MAST4: variants seen among roughly 807,000 people sequenced by gnomAD.
The protein encoded by MAST4 is microtubule-associated serine/threonine-protein kinase 4.
MAST4 carries 89 observed loss-of-function variants against 162.7 expected under a neutral mutation model. The observed-to-expected ratio is 0.55, with a 90% CI of 0.46 to 0.65. The LOEUF (loss-of-function observed/expected upper bound fraction) is 0.65. Among genes scored for constraint, MAST4 ranks in the 30% least tolerant of loss-of-function variants. MAST4 has a pLI of 0.00. For synonymous variants in MAST4, 1,479 were observed against 1,361.1 expected, an observed-to-expected ratio of 1.09 and a Z score of -1.91; for missense variants, 3,153 against 3,374.0, an observed-to-expected ratio of 0.93 and a Z score of 1.62.
At chr5:66,710,446 A>G (rs1214439403) in intron 1 of MAST4, among the ~76,000 whole-genome samples, 1 of 152,024 alleles carries the variant, frequency 6.6e-6, no homozygotes, top group Non-Finnish European at 1.5e-5. Context: ...CTCACTGATC[A>G]TTTTCCTTCT....
chr5:66,971,854 A>G (rs1747469746), intron 4 of MAST4, among the ~76,000 whole-genome samples: 3 of 152,110 alleles, frequency 2.0e-5, no homozygotes, highest in Non-Finnish European at 4.4e-5. Context: ...TAAAAATCCT[A>G]TTTCCAACAT....
chr5:66,899,477 C>T (rs1762875878), intron 3 of MAST4, among the ~76,000 whole-genome samples: 1 of 152,060 alleles, frequency 6.6e-6, no homozygotes, highest in Non-Finnish European at 1.5e-5. Context: ...ATAGGAAGTA[C>T]AATATTTGGT....
At chr5:66,978,622 A>C (rs1455709181) in intron 4 of MAST4, among the ~76,000 whole-genome samples, 1 of 152,198 alleles carries the variant, frequency 6.6e-6, no homozygotes, top group Non-Finnish European at 1.5e-5. Flanking sequence ...ATTCGGGGCT[A>C]AGTACATGGA....
At chr5:66,605,187 C>T (rs188339234) in intron 1 of MAST4, among the ~76,000 whole-genome samples, 3 of 152,252 alleles carry the variant, frequency 2.0e-5, no homozygotes, top group Admixed American at 6.5e-5. Flanking sequence ...AACCTGAGCC[C>T]TCACCTAGGC....
intron 3 of MAST4, among the ~76,000 whole-genome samples, chr5:66,840,527 C>T (rs1392722342): frequency 1.4e-5 from 2 of 143,640 alleles, no homozygotes; most frequent in Non-Finnish European, 3.0e-5. Flanking sequence ...AAATTTTTTA[C>T]TTCCTGTAAT....
intron 1 of MAST4, among the ~76,000 whole-genome samples, chr5:66,713,414 A>G (rs1750619148): frequency 6.6e-6 from 1 of 152,172 alleles, no homozygotes; most frequent in Admixed American, 6.5e-5. Flanking sequence ...GGTTAAAATA[A>G]CCAGTGTATG....
At chr5:66,922,641 C>T (rs1764614986) in intron 4 of MAST4, among the ~76,000 whole-genome samples, 1 of 152,012 alleles carries the variant, frequency 6.6e-6, no homozygotes, top group Non-Finnish European at 1.5e-5. Context: ...TTGTTAAAGG[C>T]CAGCTTACTA....
chr5:66,758,208 A>G (rs1049734985), intron 1 of MAST4, among the ~76,000 whole-genome samples: 1 of 151,900 alleles, frequency 6.6e-6, no homozygotes, highest in Non-Finnish European at 1.5e-5. Flanking sequence ...ACTTACAGAG[A>G]AGTGCTTGAA....
At chr5:66,641,884 A>G (rs1745509397) in intron 1 of MAST4, among the ~76,000 whole-genome samples, 1 of 152,238 alleles carries the variant, frequency 6.6e-6, no homozygotes, top group Admixed American at 6.5e-5. Flanking sequence ...TACTTTGAAA[A>G]TGATAAATAG....
At chr5:66,865,260 G>A (rs1282615672) in intron 3 of MAST4, among the ~76,000 whole-genome samples, 2 of 152,228 alleles carry the variant, frequency 1.3e-5, no homozygotes, top group Non-Finnish European at 2.9e-5. Flanking sequence ...ATACATGCCA[G>A]CTATGGTGAC....
chr5:66,672,509 G>A (rs1747672869), intron 1 of MAST4, among the ~76,000 whole-genome samples: 1 of 152,136 alleles, frequency 6.6e-6, no homozygotes, highest in Non-Finnish European at 1.5e-5. Flanking sequence ...TCTTAAAAAG[G>A]TATATATCCC....
chr5:66,788,326 C>T (rs1755211901), intron 2 of MAST4, among the ~76,000 whole-genome samples: 1 of 152,160 alleles, frequency 6.6e-6, no homozygotes, highest in South Asian at 2.1e-4. Context: ...CTTACAAATG[C>T]ACGCGCTTAC....
At chr5:66,885,104 T>C (rs1449171419) in intron 3 of MAST4, among the ~76,000 whole-genome samples, 2 of 152,188 alleles carry the variant, frequency 1.3e-5, no homozygotes, top group Admixed American at 1.3e-4. Context: ...ATTTTTGTGA[T>C]TTTTGACAGT....
At chr5:67,040,068 A>C (rs1756534163) in intron 4 of MAST4, among the ~76,000 whole-genome samples, 1 of 151,864 alleles carries the variant, frequency 6.6e-6, no homozygotes, top group South Asian at 2.1e-4. Flanking sequence ...TTGCTTTCTG[A>C]CGCATGTTAC....
chr5:66,862,681 G>A lies in MAST4; in HGVS notation c.643-37270G>A, dbSNP rs73765344. Among the ~76,000 whole-genome samples the A allele has an allele frequency of 5.3e-3, 807 of 152,270 alleles. 5 individuals carry two copies. The highest frequency in any genetic ancestry group is 0.018 in the African/African-American group (749 of 41,546). ...ATATTATGAAGGCTACCAGAAATTT[G>A]AACTATGACATGAGCCCAATAATTG... On this transcript the variant is annotated intron_variant, in intron 3 of 28. Transcript: ENST00000403625.
chr5:67,124,590 CA>C (rs562068467), intron 14 of MAST4, among the ~76,000 whole-genome samples: 2 of 151,976 alleles, frequency 1.3e-5, no homozygotes, highest in South Asian at 2.1e-4. Context: ...AAAACAACAA[CA>C]AAAAAAATCC....
At chr5:67,117,405 T>C (rs1767046761) in intron 12 of MAST4, among the ~76,000 whole-genome samples, 1 of 152,216 alleles carries the variant, frequency 6.6e-6, no homozygotes, top group African/African-American at 2.4e-5. Flanking sequence ...CTAAAGGTAG[T>C]AATCCAGTGT....
At chr5:66,658,767 A>G (rs1023563969) in intron 1 of MAST4, among the ~76,000 whole-genome samples, 1 of 152,108 alleles carries the variant, frequency 6.6e-6, no homozygotes, top group Admixed American at 6.5e-5. Context: ...CACGCTTGTA[A>G]TCCCAGCAGT....
chr5:66,918,929 C>A (rs1764290652), intron 4 of MAST4, among the ~76,000 whole-genome samples: 1 of 151,984 alleles, frequency 6.6e-6, no homozygotes, highest in African/African-American at 2.4e-5. Context: ...ATGGCGAAAC[C>A]CTGTCTCTAT....
Sources: gnomAD v4.1 joint callset for allele counts (sites outside exome capture counted in the v4.1 genomes callset) on GRCh38, gnomAD v4.1.1 for gene constraint, MANE v1.5 for transcripts, NCBI Gene and HGNC (gene_info 2026-07-23, HGNC 2026-07-21) for gene names.